The following TET1 variants were observed in gnomAD, a reference collection of about 807,000 sequenced individuals.
TET1 encodes methylcytosine dioxygenase TET1.
Under a neutral mutation model 148.7 loss-of-function variants are expected in TET1, and 13 were observed. The observed-to-expected ratio is 0.09, with a 90% CI of 0.06 to 0.14. TET1 has a LOEUF of 0.14. Among genes scored for constraint, TET1 ranks in the 10% least tolerant of loss-of-function variants. The pLI, the probability that TET1 is intolerant of heterozygous loss-of-function variation, is 1.00. For synonymous variants in TET1, 907 were observed against 937.2 expected (o/e 0.97, Z 0.59); for missense variants, 2,182 against 2,553.8 (o/e 0.85, Z 3.14).
Position 68,629,853 on chromosome 10 carries a change from A to G in TET1, c.1969-14845A>G, listed in dbSNP as rs182610476. Among the ~76,000 whole-genome samples the G allele has an allele frequency of 1.1e-4, 17 of 152,276 alleles. No individual in the cohort carries two copies. The East Asian group carries it at 2.7e-3, about 24-fold the overall frequency. On this transcript the variant is annotated intron_variant, in intron 3 of 11. Coordinates refer to ENST00000373644, the MANE Select transcript of TET1 (RefSeq NM_030625.3). Reference sequence around the variant, plus strand: ...ACCCAGCCAAAAGTATATTATTAATATTAATTTCATCTGGTTCTGTTGGTC... The same window carrying G: ...ACCCAGCCAAAAGTATATTATTAATGTTAATTTCATCTGGTTCTGTTGGTC...
intron 2 of TET1, among the ~76,000 whole-genome samples, chr10:68,595,714 T>G (rs1483821788): frequency 1.4e-5 from 2 of 143,984 alleles, no homozygotes; most frequent in African/African-American, 5.2e-5. Context: ...GCCTGCCGGT[T>G]TCCAGCAATT....
In TET1 at chr10:68,686,448, C is replaced by A. The variant is rs757623052; in HGVS notation, c.5145C>A (p.Asp1715Glu). The change falls in exon 11 of 12, where the codon GAC (aspartate) becomes GAA (glutamate). Residue 1715 changes from aspartate to glutamate, a missense_variant. Physicochemically the swap from Asp to Glu is conservative, Grantham distance 45. Transcript: ENST00000373644. The part of the protein sequence containing the change: ...LHVLPLYKLS[D>E]TDEFGSKEGM... ...TGCTACCTCTTTATAAGCTTTCAGACACAGATGAGTTTGGCTCCAAGGAAG... is the reference window on the plus strand; with the variant it reads ...TGCTACCTCTTTATAAGCTTTCAGAAACAGATGAGTTTGGCTCCAAGGAAG... 2.6e-5 allele frequency: 42 copies of A among 1,614,002 alleles called. No individual in the cohort carries two copies. The highest frequency in any genetic ancestry group is 1.7e-6 in the Non-Finnish European group (2 of 1,180,040).
chr10:68,579,849 G>T (rs961495056), intron 2 of TET1, among the ~76,000 whole-genome samples: 2 of 151,850 alleles, frequency 1.3e-5, no homozygotes, highest in African/African-American at 2.4e-5. Context: ...GCATACTCTT[G>T]CCTCAGTCTC....
intron 3 of TET1, among the ~76,000 whole-genome samples, chr10:68,637,518 CTTTT>C (rs34260111): frequency 9.4e-6 from 1 of 106,374 alleles, no homozygotes; most frequent in Non-Finnish European, 1.8e-5. Context: ...GTTTCCTATT[CTTTT>C]TTTTTTTTTT....
At chr10:68,624,705 T>TTTC in intron 3 of TET1, among the ~76,000 whole-genome samples, 1 of 143,560 alleles carries the variant, frequency 7.0e-6, no homozygotes, top group African/African-American at 2.6e-5. Context: ...TCTTTCTTTC[T>TTTC]TTTCCTTCCT....
At position 68,644,914 on chromosome 10, in the gene TET1, A is replaced by G. The variant is rs767412259; in HGVS notation, c.2185A>G (p.Asn729Asp). The change falls in exon 4 of 12, where the codon AAT (asparagine) becomes GAT (aspartate). Residue 729 changes from asparagine to aspartate, a missense_variant. By Grantham distance (23) the Asn-to-Asp change is conservative. Coordinates refer to ENST00000373644, the MANE Select transcript of TET1 (RefSeq NM_030625.3). ...TCACGTGAAAGGAGATTTTAGTGCTAATGTCCCAGAAGCTGAAAAATCGAA... is the reference window on the plus strand; with the variant it reads ...TCACGTGAAAGGAGATTTTAGTGCTGATGTCCCAGAAGCTGAAAAATCGAA... ...TDHVKGDFSA[N>D]VPEAEKSKNS... is the part of the protein sequence containing the mutation. The G allele has an allele frequency of 3.7e-6, 6 of 1,611,486 alleles. No homozygotes were observed. Among genetic ancestry groups the G allele is most frequent in the South Asian group, 3.3e-5 (3 of 90,296 alleles).
At chr10:68,632,362 G>A in intron 3 of TET1, 1 of 1,592,580 alleles carries the variant, frequency 6.3e-7, no homozygotes, top group South Asian at 1.1e-5. Context: ...GAGTCGCGGA[G>A]TAGTCCTCAT....
chr10:68,632,835 TAAAAAA>T (rs34118781), intron 3 of TET1: 1 of 436,168 alleles, frequency 2.3e-6, no homozygotes, highest in Non-Finnish European at 3.8e-6. Flanking sequence ...GTTTAAGTTG[TAAAAAA>T]AAAAAAAAAA....
At chr10:68,598,450 C>G (rs529406085) in intron 2 of TET1, among the ~76,000 whole-genome samples, 1 of 152,214 alleles carries the variant, frequency 6.6e-6, no homozygotes, top group South Asian at 2.1e-4. Context: ...AAAAAAAAAT[C>G]ACCAAAAATG....
At chr10:68,622,038 CAGTCAA>C (rs1283083377) in intron 3 of TET1, among the ~76,000 whole-genome samples, 1 of 152,164 alleles carries the variant, frequency 6.6e-6, no homozygotes, top group African/African-American at 2.4e-5. Context: ...GCCTTAGTAT[CAGTCAA>C]AACTAAGATG....
chr10:68,667,391 C>T (rs1182341417), intron 7 of TET1, 135 bp downstream of exon 7: 2 of 790,686 alleles, frequency 2.5e-6, no homozygotes, highest in East Asian at 5.4e-5. Context: ...AAAGAATGAA[C>T]ATTTCTGTAA....
chr10:68,685,732 G>A lies in TET1; in HGVS notation c.5053-624G>A, dbSNP rs571455176. Among the ~76,000 whole-genome samples the A allele has an allele frequency of 2.7e-3, 405 of 152,024 alleles. 3 individuals carry two copies. Among genetic ancestry groups the A allele is most frequent in the African/African-American group, 9.0e-3 (375 of 41,462 alleles). On this transcript the variant is annotated intron_variant, in intron 10 of 11. Coordinates refer to ENST00000373644, the MANE Select transcript of TET1 (RefSeq NM_030625.3). Reference sequence around the variant, plus strand: ...ATAGGTTGCATTTAAGATGAAAAAAGTTGGCTATTAGTATTTCATATCCAA... The same window carrying A: ...ATAGGTTGCATTTAAGATGAAAAAAATTGGCTATTAGTATTTCATATCCAA...
rs78224409 is a variant in TET1 at position 68,692,621 on chromosome 10, C to A, written c.*807C>A. On this transcript the variant is annotated 3_prime_UTR_variant, in exon 12 of 12. Coordinates refer to ENST00000373644, the MANE Select transcript of TET1 (RefSeq NM_030625.3). ...TTCTTTTACTGTGTCCTCTCACATT[C>A]AAGTATTAGCAACTTGCAGTATATA... 4.3e-3 allele frequency: 1,005 copies of A among 232,200 alleles called. 8 individuals carry two copies. The highest frequency in any genetic ancestry group is 0.021 in the African/African-American group (939 of 45,356). The allele number at this position is 232,200 out of a possible 1,614,324, so 14.4% of individuals were successfully genotyped here. A position where few individuals can be genotyped will look rare whatever the true frequency, so the allele number is the denominator to read the frequency against.
intron 2 of TET1, among the ~76,000 whole-genome samples, chr10:68,575,384 C>T (rs1310365228): frequency 1.7e-5 from 2 of 117,230 alleles, no homozygotes; most frequent in Non-Finnish European, 3.3e-5. Context: ...AACTCTGTCT[C>T]AAAAATAAAT....
intron 1 of TET1, among the ~76,000 whole-genome samples, chr10:68,569,898 G>A (rs1016074868): frequency 6.6e-6 from 1 of 152,090 alleles, no homozygotes; most frequent in African/African-American, 2.4e-5. Flanking sequence ...TAAATCATTT[G>A]TTGTAGCAAT....
chr10:68,561,010 C>T (rs2053546123), intron 1 of TET1, among the ~76,000 whole-genome samples: 1 of 152,134 alleles, frequency 6.6e-6, no homozygotes, highest in Admixed American at 6.5e-5. Flanking sequence ...GCCACAGCGC[C>T]GGGTTGGGGG....
At chr10:68,600,954 C>A in intron 2 of TET1, 27 bp from the exon 3 acceptor site, 1 of 1,592,656 alleles carries the variant, frequency 6.3e-7, no homozygotes, top group Non-Finnish European at 8.5e-7. Flanking sequence ...TAAACAGAGG[C>A]TCATTTTGCA....
intron 2 of TET1, among the ~76,000 whole-genome samples, chr10:68,576,348 CA>C (rs374850664): frequency 0.095 from 12,473 of 131,316 alleles, 561 homozygotes; most frequent in African/African-American, 0.12. Context: ...GACCCTGTCT[CA>C]AAAAAAAAAA....
chr10:68,648,298 A>T (rs1342952918), intron 4 of TET1, among the ~76,000 whole-genome samples: 1 of 152,180 alleles, frequency 6.6e-6, no homozygotes, highest in Admixed American at 6.5e-5. Context: ...CTTAATTTGA[A>T]TCCTGTACTG....
Sources: allele counts gnomAD v4.1 joint callset (sites outside exome capture counted in the v4.1 genomes callset), GRCh38; gene constraint gnomAD v4.1.1; transcripts MANE v1.5; gene names NCBI Gene and HGNC (gene_info 2026-07-23, HGNC 2026-07-21).